DAB1: variants seen among roughly 807,000 people sequenced by gnomAD.
DAB1 encodes the protein disabled homolog 1.
A neutral mutation model predicts 64.6 loss-of-function variants in DAB1; 15 were observed. The observed-to-expected ratio is 0.23, with a 90% CI of 0.16 to 0.36. DAB1 has a LOEUF of 0.36. Ranked by LOEUF, DAB1 falls within the 10% of genes least tolerant of loss-of-function variation. The pLI is 1.00. For missense variants in DAB1, 596 were observed against 706.7 expected, an observed-to-expected ratio of 0.84 and a Z score of 1.78; for synonymous variants, 235 against 251.9, an observed-to-expected ratio of 0.93 and a Z score of 0.64.
intron 5 of DAB1, among the ~76,000 whole-genome samples, chr1:57,990,542 C>T (rs1646318097): frequency 6.6e-6 from 1 of 152,188 alleles, no homozygotes; most frequent in African/African-American, 2.4e-5. Flanking sequence ...CTGAAAGGCA[C>T]CCAGTGTTTA....
chr1:57,935,978 A>G (rs1435373614), intron 5 of DAB1, among the ~76,000 whole-genome samples: 1 of 152,240 alleles, frequency 6.6e-6, no homozygotes, highest in Non-Finnish European at 1.5e-5. Flanking sequence ...CCTGCTTTTC[A>G]TCACAGGCTT....
intron 2 of DAB1, among the ~76,000 whole-genome samples, chr1:57,169,680 T>C (rs777534545): frequency 2.0e-5 from 3 of 152,138 alleles, no homozygotes; most frequent in South Asian, 2.1e-4. Flanking sequence ...TCATCCTCAA[T>C]AACTAATCAG....
At chr1:58,472,491 T>C (rs879597567) in intron 3 of DAB1, among the ~76,000 whole-genome samples, 4 of 152,116 alleles carry the variant, frequency 2.6e-5, no homozygotes, top group Non-Finnish European at 5.9e-5. Flanking sequence ...ACATCGTGGG[T>C]AAAAGAGGGA....
chr1:58,068,558 G>A (rs1048582884), intron 5 of DAB1, among the ~76,000 whole-genome samples: 1 of 152,034 alleles, frequency 6.6e-6, no homozygotes, highest in African/African-American at 2.4e-5. Flanking sequence ...GAGGTCAGGA[G>A]ATCGAGACCA....
chr1:58,183,607 A>G (rs766955715), intron 4 of DAB1, among the ~76,000 whole-genome samples: 7 of 151,958 alleles, frequency 4.6e-5, no homozygotes, highest in African/African-American at 7.3e-5. Context: ...CTTAAAATCA[A>G]TCCTGTTTCT....
chr1:58,017,596 C>T (rs978908410), intron 5 of DAB1, among the ~76,000 whole-genome samples: 4 of 152,340 alleles, frequency 2.6e-5, no homozygotes, highest in African/African-American at 9.6e-5. Flanking sequence ...TCAAATTCTG[C>T]TGCCACCTTG....
intron 4 of DAB1, among the ~76,000 whole-genome samples, chr1:58,171,035 C>T (rs761402970): frequency 6.6e-6 from 1 of 152,220 alleles, no homozygotes; most frequent in African/African-American, 2.4e-5. Context: ...TTTCTCCCAC[C>T]TCCTCGGTTG....
At position 57,877,859 on chromosome 1, in the gene DAB1, C is replaced by T. The variant is rs199960144; in HGVS notation, n.87+6140G>A. On this transcript the variant is annotated intron_variant and non_coding_transcript_variant, in intron 1 of 1. Transcript: ENST00000477280. ...GATTACAGGCGTGAGCCACCGCGCC[C>T]GGCCGATTTATTTTTTATAATTACA... Among the ~76,000 whole-genome samples, 4 of 22,782 alleles carry T rather than the reference C, an allele frequency of 1.8e-4. 2 individuals are homozygous for T. The highest frequency in any genetic ancestry group is 3.4e-4 in the Non-Finnish European group (4 of 11,708). 14.9% of individuals were successfully genotyped at this position (22,782 alleles called of 152,430 possible). A position where few individuals can be genotyped will look rare whatever the true frequency, so the allele number is the denominator to read the frequency against.
chr1:57,898,704 G>A (rs1385701586), intron 5 of DAB1, among the ~76,000 whole-genome samples: 1 of 152,148 alleles, frequency 6.6e-6, no homozygotes. Flanking sequence ...TGGTGTCTCT[G>A]CCCCCACTTG....
At chr1:58,370,224 TAGAACAA>T (rs1644251902) in intron 3 of DAB1, among the ~76,000 whole-genome samples, 1 of 152,134 alleles carries the variant, frequency 6.6e-6, no homozygotes, top group Admixed American at 6.5e-5. Flanking sequence ...TGAATGTGAA[TAGAACAA>T]ATTCATACAG....
At chr1:58,523,400 T>C (rs1379859284) in intron 2 of DAB1, among the ~76,000 whole-genome samples, 2 of 152,216 alleles carry the variant, frequency 1.3e-5, no homozygotes, top group Non-Finnish European at 1.5e-5. Flanking sequence ...CAGACTTTCA[T>C]AATGTTCTAT....
At chr1:58,147,525 A>C (rs1654672459) in intron 5 of DAB1, among the ~76,000 whole-genome samples, 1 of 151,648 alleles carries the variant, frequency 6.6e-6, no homozygotes, top group Non-Finnish European at 1.5e-5. Context: ...CTGAGGCAGG[A>C]GAATGGCAAG....
At chr1:57,552,346 G>A (rs1352150629) in intron 7 of DAB1, among the ~76,000 whole-genome samples, 2 of 152,136 alleles carry the variant, frequency 1.3e-5, no homozygotes, top group Non-Finnish European at 2.9e-5. Flanking sequence ...AAATGAACAG[G>A]GCAGGATTTC....
chr1:57,476,188 T>C (rs955224479), intron 7 of DAB1, among the ~76,000 whole-genome samples: 1 of 147,700 alleles, frequency 6.8e-6, no homozygotes, highest in Non-Finnish European at 1.5e-5. Flanking sequence ...GTCACGCCAC[T>C]GTACTCCAGC....
At chr1:57,781,815 A>G (rs913869370) in intron 6 of DAB1, among the ~76,000 whole-genome samples, 1 of 152,074 alleles carries the variant, frequency 6.6e-6, no homozygotes, top group African/African-American at 2.4e-5. Context: ...TACCTTGAAG[A>G]CAGTAAAACT....
intron 2 of DAB1, among the ~76,000 whole-genome samples, chr1:57,192,342 A>G (rs1411498973): frequency 6.7e-6 from 1 of 149,152 alleles, no homozygotes; most frequent in African/African-American, 2.5e-5. Flanking sequence ...AAAAAAAAAA[A>G]AGAGTGATGG....
At chr1:58,129,965 T>A (rs1343062522) in intron 5 of DAB1, among the ~76,000 whole-genome samples, 2 of 146,364 alleles carry the variant, frequency 1.4e-5, no homozygotes, top group Non-Finnish European at 3.0e-5. Context: ...TGTAGATGTC[T>A]ATTAGGTCCC....
At chr1:58,486,344 C>G (rs1645574990) in intron 3 of DAB1, among the ~76,000 whole-genome samples, 1 of 152,142 alleles carries the variant, frequency 6.6e-6, no homozygotes, top group Non-Finnish European at 1.5e-5. Context: ...AGAATTAAAA[C>G]CGAAGACTCC....
chr1:57,987,454 A>T (rs938325880), intron 5 of DAB1, among the ~76,000 whole-genome samples: 2 of 152,228 alleles, frequency 1.3e-5, no homozygotes, highest in Admixed American at 1.3e-4. Flanking sequence ...AGGAAGGTGA[A>T]GTTTATTGTC....
Sources: gnomAD v4.1 joint callset for allele counts (sites outside exome capture counted in the v4.1 genomes callset) on GRCh38, gnomAD v4.1.1 for gene constraint, MANE v1.5 for transcripts, NCBI Gene and HGNC (gene_info 2026-07-23, HGNC 2026-07-21) for gene names.